GRIK2: variants seen among roughly 807,000 people sequenced by gnomAD.
The protein encoded by GRIK2 is glutamate receptor ionotropic, kainate 2.
In GRIK2, 32 loss-of-function variants were observed where a neutral mutation model predicts 100.3. The ratio of observed to expected loss-of-function variants is 0.32; its 90% confidence interval spans 0.24 to 0.43. GRIK2 has a LOEUF of 0.43. GRIK2 is among the 20% of genes least tolerant of loss of function. The pLI is 1.00. For synonymous variants in GRIK2, 417 were observed against 389.4 expected (o/e 1.07, Z -0.83); for missense variants, 843 against 1,114.9 (o/e 0.76, Z 3.47).
intron 7 of GRIK2, among the ~76,000 whole-genome samples, chr6:101,727,936 G>T (rs1239263902): frequency 6.6e-6 from 1 of 151,982 alleles, no homozygotes; most frequent in Non-Finnish European, 1.5e-5. Context: ...CACAAAAAAT[G>T]ATAAAATAAT....
chr6:101,852,639 A>T (rs974024947), intron 10 of GRIK2, among the ~76,000 whole-genome samples: 1 of 152,194 alleles, frequency 6.6e-6, no homozygotes, highest in African/African-American at 2.4e-5. Flanking sequence ...GCTTACATAT[A>T]AATCATCACC....
intron 7 of GRIK2, among the ~76,000 whole-genome samples, chr6:101,726,178 G>C (rs185777077): frequency 1.1e-4 from 16 of 151,918 alleles, no homozygotes; most frequent in Admixed American, 9.2e-4. Flanking sequence ...TTCCTATGTT[G>C]GATAACGCTT....
At chr6:101,799,295 G>A (rs1780526755) in intron 7 of GRIK2, among the ~76,000 whole-genome samples, 1 of 151,772 alleles carries the variant, frequency 6.6e-6, no homozygotes, top group Admixed American at 6.6e-5. Context: ...GTGTGTGTGT[G>A]TGTGTGTGTG....
chr6:101,505,670 G>A (rs978686791), intron 2 of GRIK2, among the ~76,000 whole-genome samples: 6 of 150,562 alleles, frequency 4.0e-5, no homozygotes, highest in Non-Finnish European at 5.9e-5. Flanking sequence ...AAAGTGAAGA[G>A]AAATTGGGGA....
At chr6:101,624,186 G>A (rs1160563018) in intron 3 of GRIK2, among the ~76,000 whole-genome samples, 1 of 151,940 alleles carries the variant, frequency 6.6e-6, no homozygotes, top group African/African-American at 2.4e-5. Context: ...TAACTCTTCT[G>A]ATAACCGAAA....
At chr6:101,882,993 A>T (rs1786361475) in intron 11 of GRIK2, among the ~76,000 whole-genome samples, 1 of 151,832 alleles carries the variant, frequency 6.6e-6, no homozygotes, top group African/African-American at 2.4e-5. Context: ...AATCATGCAC[A>T]TAAAAAATCT....
At chr6:102,024,487 G>C (rs915368635) in intron 14 of GRIK2, among the ~76,000 whole-genome samples, 2 of 151,338 alleles carry the variant, frequency 1.3e-5, no homozygotes, top group Admixed American at 6.6e-5. Context: ...GCAAACATCT[G>C]TATCCAGGAA....
chr6:101,591,214 G>A (rs563712199), intron 2 of GRIK2, among the ~76,000 whole-genome samples: 64 of 150,830 alleles, frequency 4.2e-4, no homozygotes, highest in Non-Finnish European at 7.7e-4. Context: ...TAATTTTTCC[G>A]CATAAGTCTA....
intron 11 of GRIK2, among the ~76,000 whole-genome samples, chr6:101,884,684 T>C (rs532526533): frequency 6.6e-6 from 1 of 152,178 alleles, no homozygotes; most frequent in Non-Finnish European, 1.5e-5. Flanking sequence ...ATTGAAATTA[T>C]ATTATTGTAC....
intron 1 of GRIK2, among the ~76,000 whole-genome samples, chr6:101,395,338 C>G (rs1033266232): frequency 2.0e-5 from 3 of 152,150 alleles, no homozygotes; most frequent in African/African-American, 7.2e-5. Flanking sequence ...AGCAGGACTT[C>G]CGTGACAAGT....
At chr6:101,519,465 A>G (rs1774762881) in intron 2 of GRIK2, among the ~76,000 whole-genome samples, 1 of 152,032 alleles carries the variant, frequency 6.6e-6, no homozygotes, top group South Asian at 2.1e-4. Context: ...ATTGACATGA[A>G]GAGACAGATT....
At chr6:101,861,042 G>T (rs56710028) in intron 11 of GRIK2, 2,480 of 229,014 alleles carry the variant, frequency 0.011, 71 homozygotes, top group African/African-American at 0.054. Context: ...TAAGGCAAAG[G>T]TGAGTTCAAA....
chr6:101,825,714 A>G (rs1260193479), intron 10 of GRIK2, among the ~76,000 whole-genome samples: 1 of 152,090 alleles, frequency 6.6e-6, no homozygotes, highest in African/African-American at 2.4e-5. Context: ...CTATTTTATT[A>G]TGATCAGTAT....
chr6:102,034,524 T>C (rs951474928), intron 14 of GRIK2, among the ~76,000 whole-genome samples: 1 of 151,380 alleles, frequency 6.6e-6, no homozygotes, highest in African/African-American at 2.4e-5. Context: ...CAGATGAACT[T>C]TCAAGGAGCA....
intron 10 of GRIK2, among the ~76,000 whole-genome samples, chr6:101,838,823 T>G (rs904856573): frequency 2.0e-5 from 3 of 151,966 alleles, no homozygotes; most frequent in Non-Finnish European, 4.4e-5. Flanking sequence ...GGCTAATTTT[T>G]TGTATTTTTA....
At chr6:101,668,304 G>C (rs1770180141) in intron 4 of GRIK2, among the ~76,000 whole-genome samples, 1 of 152,098 alleles carries the variant, frequency 6.6e-6, no homozygotes, top group Non-Finnish European at 1.5e-5. Context: ...TCCAGAAGGA[G>C]AGAATGGCTG....
Position 102,006,390 on chromosome 6 carries a change from A to ATATT in GRIK2, c.2086-28950_2086-28949insATTT, listed in dbSNP as rs1315524835. 7.5e-3 allele frequency among the ~76,000 whole-genome samples: 855 copies of ATATT among 114,062 alleles called. 5 individuals carry two copies. Among genetic ancestry groups the ATATT allele is most frequent in the African/African-American group, 0.015 (337 of 21,888 alleles). The allele number at this position is 114,062 out of a possible 152,430, so 74.8% of individuals were successfully genotyped here. On this transcript the variant is annotated intron_variant, in intron 14 of 16. Coordinates refer to ENST00000369134, the MANE Select transcript of GRIK2 (RefSeq NM_021956.5). ...CTTTTATATATATATATATATATATATTTTTTTTTTTTTTGAGACATACAG... is the reference window on the plus strand; with the variant it reads ...CTTTTATATATATATATATATATATATATTTTTTTTTTTTTTTTGAGACATACAG...
At chr6:101,941,689 G>T (rs1206359820) in intron 14 of GRIK2, among the ~76,000 whole-genome samples, 1 of 152,002 alleles carries the variant, frequency 6.6e-6, no homozygotes, top group East Asian at 1.9e-4. Flanking sequence ...TTTCAATTAT[G>T]ATTAGTTTGT....
chr6:101,663,414 G>A (rs1769780495), intron 4 of GRIK2, among the ~76,000 whole-genome samples: 1 of 152,154 alleles, frequency 6.6e-6, no homozygotes, highest in African/African-American at 2.4e-5. Context: ...AAAAGTGCCT[G>A]TGAAGTGGCC....
Sources: gnomAD v4.1 joint callset for allele counts (sites outside exome capture counted in the v4.1 genomes callset) on GRCh38, gnomAD v4.1.1 for gene constraint, MANE v1.5 for transcripts, NCBI Gene and HGNC (gene_info 2026-07-23, HGNC 2026-07-21) for gene names.